The following GALNT18 variants were observed in gnomAD, a reference collection of about 807,000 sequenced individuals.
GALNT18 encodes GalNAc-transferase 18.
Under a neutral mutation model 69.5 loss-of-function variants are expected in GALNT18, and 44 were observed. The ratio of observed to expected loss-of-function variants is 0.63; its 90% confidence interval spans 0.50 to 0.81. GALNT18 has a LOEUF of 0.81. Among genes scored for constraint, GALNT18 ranks in the 40% least tolerant of loss-of-function variants. The pLI is 0.00. For synonymous variants in GALNT18, 364 were observed against 318.2 expected (o/e 1.14, Z -1.53); for missense variants, 715 against 810.0 (o/e 0.88, Z 1.42).
chr11:11,272,475 A>G (rs532645086), intron 10 of GALNT18, among the ~76,000 whole-genome samples: 3 of 151,502 alleles, frequency 2.0e-5, no homozygotes, highest in African/African-American at 7.4e-5. Context: ...TCCTCAGTGC[A>G]GCACTGAAGG....
At chr11:11,517,306 A>G (rs1857303097) in intron 1 of GALNT18, among the ~76,000 whole-genome samples, 1 of 152,254 alleles carries the variant, frequency 6.6e-6, no homozygotes, top group Non-Finnish European at 1.5e-5. Flanking sequence ...AAAGGCAATT[A>G]GACAGCTCAA....
rs4356219 is a variant in GALNT18, at chr11:11,604,105, G to A, written c.235+17254C>T. Reference sequence around the variant, plus strand: ...CCTCACCAAACACAGAATCCGCTATGCCTTAATTTTGGACTTCCCAGCCTC... The same window carrying A: ...CCTCACCAAACACAGAATCCGCTATACCTTAATTTTGGACTTCCCAGCCTC... On this transcript the variant is annotated intron_variant, in intron 1 of 10. Transcript: ENST00000227756. The surrounding 1 kb of genome is among the most constrained non-coding windows in gnomAD (Gnocchi z 5.6). 0.26 allele frequency among the ~76,000 whole-genome samples: 40,172 copies of A among 152,102 alleles called. 6,318 individuals carry two copies. Among genetic ancestry groups the A allele is most frequent in the East Asian group, 0.65 (3,364 of 5,160 alleles).
chr11:11,543,359 TCA>T lies in GALNT18; in HGVS notation c.235+77998_235+77999del, dbSNP rs1857969381. ...TGGCAGGAATCCTTAGTAGGCCACC[TCA>T]GCTGGAGTGACAGGGACGTGGTGAG... On this transcript the variant is annotated intron_variant, in intron 1 of 10. Coordinates refer to ENST00000227756, the MANE Select transcript of GALNT18 (RefSeq NM_198516.3). This position sits in a 1 kb window ranked among gnomAD's most constrained non-coding sequence, Gnocchi z 5.1. Among the ~76,000 whole-genome samples the T allele has an allele frequency of 6.6e-6, 1 of 152,160 alleles. No individual in the cohort carries two copies. The highest frequency in any genetic ancestry group is 1.5e-5 in the Non-Finnish European group (1 of 68,034).
At chr11:11,489,561 C>G (rs1353825984) in intron 1 of GALNT18, among the ~76,000 whole-genome samples, 1 of 152,194 alleles carries the variant, frequency 6.6e-6, no homozygotes, top group Non-Finnish European at 1.5e-5. Context: ...CAGTTCCACC[C>G]AGTTTGGCAG....
At chr11:11,394,188 G>A (rs1056307846) in intron 3 of GALNT18, among the ~76,000 whole-genome samples, 2 of 152,194 alleles carry the variant, frequency 1.3e-5, no homozygotes, top group Non-Finnish European at 2.9e-5. Flanking sequence ...TTTACAGAAT[G>A]TTATTTGCAT....
At chr11:11,381,647 G>T (rs1259515888) in intron 3 of GALNT18, among the ~76,000 whole-genome samples, 1 of 152,180 alleles carries the variant, frequency 6.6e-6, no homozygotes, top group Admixed American at 6.5e-5. Context: ...TGCATTTGCT[G>T]TCTTGCTGCC....
In GALNT18 at chr11:11,543,067, T is replaced by A. The variant is rs1011158353; in HGVS notation, c.235+78292A>T. Among the ~76,000 whole-genome samples, 17 of 152,178 alleles carry A rather than the reference T, an allele frequency of 1.1e-4. No homozygotes were observed. Among genetic ancestry groups the A allele is most frequent in the African/African-American group, 4.1e-4 (17 of 41,446 alleles). Reference sequence around the variant, plus strand: ...AAATGCACCAGTGTGTCTAAAGTATTTGGGAAGGATCTGGTGCATGGAAAG... The same window carrying A: ...AAATGCACCAGTGTGTCTAAAGTATATGGGAAGGATCTGGTGCATGGAAAG... On this transcript the variant is annotated intron_variant, in intron 1 of 10. Transcript: ENST00000227756. The surrounding 1 kb of genome is among the most constrained non-coding windows in gnomAD (Gnocchi z 5.1).
chr11:11,443,811 C>T (rs904244450), intron 2 of GALNT18, among the ~76,000 whole-genome samples: 7 of 152,238 alleles, frequency 4.6e-5, no homozygotes, highest in Non-Finnish European at 7.3e-5. Context: ...GTTCTTCCCA[C>T]CTGGATGGCT....
At chr11:11,365,574 T>G (rs1850747403) in intron 6 of GALNT18, among the ~76,000 whole-genome samples, 2 of 152,214 alleles carry the variant, frequency 1.3e-5, no homozygotes, top group African/African-American at 4.8e-5. Flanking sequence ...ATCACCATAC[T>G]GTCTTCCACA....
At chr11:11,362,964 T>C (rs978175768) in intron 6 of GALNT18, among the ~76,000 whole-genome samples, 1 of 152,212 alleles carries the variant, frequency 6.6e-6, no homozygotes, top group Non-Finnish European at 1.5e-5. Flanking sequence ...ATTTGAGTAG[T>C]ATGCAACCGT....
At position 11,573,383 on chromosome 11, in the gene GALNT18, T is replaced by C. The variant is rs967310321; in HGVS notation, c.235+47976A>G. 6.6e-6 allele frequency: 1 copy of C among 152,230 alleles called. No homozygotes were observed. The highest frequency in any genetic ancestry group is 1.5e-5 in the Non-Finnish European group (1 of 68,042). 9.4% of individuals were successfully genotyped at this position (152,230 alleles called of 1,614,324 possible). On this transcript the variant is annotated intron_variant, in intron 1 of 10. Coordinates refer to ENST00000227756, the MANE Select transcript of GALNT18 (RefSeq NM_198516.3). This position sits in a 1 kb window ranked among gnomAD's most constrained non-coding sequence, Gnocchi z 4.6. ...TCCTTCTCTTACACTAAGGTACATG[T>C]GCCCACCTAAGTATCAGCCAAGCCA... is the stretch of plus-strand genomic sequence containing the variant.
chr11:11,292,966 C>T (rs760111423), intron 10 of GALNT18, 63 bp downstream of exon 10: 7 of 1,325,740 alleles, frequency 5.3e-6, no homozygotes, highest in Non-Finnish European at 6.8e-6. Context: ...TCCCTGGCCC[C>T]TGAGGCCACT....
intron 6 of GALNT18, among the ~76,000 whole-genome samples, chr11:11,370,916 G>A (rs934503252): frequency 1.3e-5 from 2 of 152,196 alleles, no homozygotes; most frequent in East Asian, 1.9e-4. Context: ...TGTTTGGGGT[G>A]AGCATTTATC....
In GALNT18 at chr11:11,469,377, C is replaced by T. The variant is rs35950364; in HGVS notation, c.236-20441G>A. Reference sequence around the variant, plus strand: ...AAGCTTCACAGCAATAGACAGTCCTCGTCAAGTTTGTTGTTATGGCTATGT... The same window carrying T: ...AAGCTTCACAGCAATAGACAGTCCTTGTCAAGTTTGTTGTTATGGCTATGT... On this transcript the variant is annotated intron_variant, in intron 1 of 10. Coordinates refer to ENST00000227756, the MANE Select transcript of GALNT18 (RefSeq NM_198516.3). The surrounding 1 kb of genome is among the most constrained non-coding windows in gnomAD (Gnocchi z 4.2). 0.21 allele frequency among the ~76,000 whole-genome samples: 31,304 copies of T among 152,076 alleles called. 3,993 individuals carry two copies. Among genetic ancestry groups the T allele is most frequent in the South Asian group, 0.3 (1,434 of 4,820 alleles).
intron 5 of GALNT18, among the ~76,000 whole-genome samples, chr11:11,376,614 C>T (rs529467727): frequency 3.3e-5 from 5 of 152,230 alleles, no homozygotes; most frequent in South Asian, 2.1e-4. Context: ...CTGTGGGGTC[C>T]GATCTTGCCT....
intron 9 of GALNT18, among the ~76,000 whole-genome samples, chr11:11,317,299 AAC>A (rs1218599138): frequency 1.3e-5 from 2 of 152,244 alleles, no homozygotes; most frequent in Non-Finnish European, 2.9e-5. Flanking sequence ...AAAAGGTTTA[AAC>A]ACAGATGTGA....
intron 1 of GALNT18, among the ~76,000 whole-genome samples, chr11:11,522,541 C>T (rs1295126725): frequency 2.0e-5 from 3 of 152,174 alleles, no homozygotes; most frequent in Non-Finnish European, 2.9e-5. Context: ...TGTCCCACCA[C>T]CACTCAGCTC....
intron 9 of GALNT18, among the ~76,000 whole-genome samples, chr11:11,324,678 T>C (rs1849888830): frequency 6.6e-6 from 1 of 152,244 alleles, no homozygotes; most frequent in African/African-American, 2.4e-5. Context: ...CATTTTTTCA[T>C]ATGTTTGTTA....
At chr11:11,327,948 C>G (rs1017617636) in intron 8 of GALNT18, among the ~76,000 whole-genome samples, 5 of 152,202 alleles carry the variant, frequency 3.3e-5, no homozygotes, top group African/African-American at 4.8e-5. Context: ...TAATCACTCT[C>G]TTTCTCTGCC....
Sources: allele counts gnomAD v4.1 joint callset (sites outside exome capture counted in the v4.1 genomes callset), GRCh38; gene constraint gnomAD v4.1.1; non-coding constraint Gnocchi (gnomAD v3.1); transcripts MANE v1.5; gene names NCBI Gene and HGNC (gene_info 2026-07-23, HGNC 2026-07-21).